The following ZBED1 variants were observed in gnomAD, a reference collection of about 807,000 sequenced individuals.
ZBED1 encodes the protein E3 SUMO-protein ligase ZBED1.
Under a neutral mutation model 49.7 loss-of-function variants are expected in ZBED1, and 19 were observed. That is an observed-to-expected ratio of 0.38 (90% CI 0.27 to 0.56). ZBED1 has a LOEUF of 0.56. Among genes scored for constraint, ZBED1 ranks in the 20% least tolerant of loss-of-function variants. The probability of loss-of-function intolerance (pLI) is 0.70; values close to 1 mark genes in which losing one functional copy is unlikely to be tolerated. For missense variants in ZBED1, 806 were observed against 972.6 expected, an observed-to-expected ratio of 0.83 and a Z score of 2.28; for synonymous variants, 439 against 440.3, an observed-to-expected ratio of 1.00 and a Z score of 0.04.
rs780722987 is a variant in ZBED1 at position 2,498,626 on chromosome X, A to G, written c.-54+2191T>C. Among the ~76,000 whole-genome samples, 107 of 36,292 alleles carry G rather than the reference A, an allele frequency of 2.9e-3. 1 individual carries two copies. Among genetic ancestry groups the G allele is most frequent in the African/African-American group, 6.6e-3 (96 of 14,632 alleles). The allele number at this position is 36,292 out of a possible 152,430, so 23.8% of individuals were successfully genotyped here. A position where few individuals can be genotyped will look rare whatever the true frequency, so the allele number is the denominator to read the frequency against. On this transcript the variant is annotated intron_variant, in intron 1 of 1. Coordinates refer to ENST00000652001, the MANE Select transcript of ZBED1 (RefSeq NM_001171136.2). ...TGTTGTTGTTTAATCAGTAAATGGG[A>G]AAAAAAAAAAAAAAAAAGATTCCAG...
At position 2,490,056 on chromosome X, in the gene ZBED1, C is replaced by A; in HGVS notation, c.664G>T (p.Ala222Ser). ...TLAAHFLGLG[A>S]PNCLSMGSRC... ...GAGCCCATGGACAGGCAGTTGGGGG[C>A]GCCCAGGCCCAGGAAGTGGGCGGCC... The change falls in exon 2 of 2, where the codon GCC (alanine) becomes TCC (serine). Residue 222 changes from alanine to serine, a missense_variant. Physicochemically the swap from Ala to Ser is moderately conservative, Grantham distance 99. Around this residue, in one of 2 missense-constraint regions of ZBED1, gnomAD observed 749 missense variants for 861.3 expected, o/e 0.87. Coordinates refer to ENST00000652001, the MANE Select transcript of ZBED1 (RefSeq NM_001171136.2). The A allele has an allele frequency of 6.2e-7, 1 of 1,613,698 alleles. No homozygotes were observed. The highest frequency in any genetic ancestry group is 1.1e-5 in the South Asian group (1 of 91,064).
chrX:2,493,707 C>T (rs1037041148), intron 1 of ZBED1, among the ~76,000 whole-genome samples: 4 of 152,082 alleles, frequency 2.6e-5, no homozygotes, highest in African/African-American at 7.2e-5. Context: ...CAGCGGCTCA[C>T]GCCTGTACTC....
intron 1 of ZBED1, 68 bp from the exon 2 acceptor site, chrX:2,490,840 G>A (rs2045118071): frequency 7.2e-7 from 1 of 1,390,390 alleles, no homozygotes; most frequent in South Asian, 1.4e-5. Flanking sequence ...CTGCCGGGGA[G>A]ACAGACAGGG....
rs1008396789 is a variant in ZBED1, at chrX:2,500,838, G to C, written c.-75C>G. ...TGACCTGGCTCCAGGAAGCCCCCGC[G>C]GCAGCGCCGCAGCAGCTGCGCCAGG... On this transcript the variant is annotated 5_prime_UTR_variant, in exon 1 of 2. Coordinates refer to ENST00000652001, the MANE Select transcript of ZBED1 (RefSeq NM_001171136.2). 8.9e-6 allele frequency: 10 copies of C among 1,128,580 alleles called. No homozygotes were observed. Among genetic ancestry groups the C allele is most frequent in the South Asian group, 6.9e-5 (2 of 28,790 alleles). 69.9% of individuals were successfully genotyped at this position (1,128,580 alleles called of 1,614,324 possible).
At chrX:2,496,900 T>C (rs2045299851) in intron 1 of ZBED1, among the ~76,000 whole-genome samples, 1 of 149,210 alleles carries the variant, frequency 6.7e-6, no homozygotes. Flanking sequence ...TTAATAAAAA[T>C]AAAATATAAA....
At position 2,490,293 on chromosome X, in the gene ZBED1, T is replaced by G. The variant is rs770567994; in HGVS notation, c.427A>C (p.Ile143Leu). The G allele has an allele frequency of 6.2e-7, 1 of 1,613,604 alleles. No individual in the cohort carries two copies. The highest frequency in any genetic ancestry group is 1.1e-5 in the South Asian group (1 of 91,050). Residue 143 changes from isoleucine to leucine, a missense_variant, in exon 2 of 2, where the codon ATC (isoleucine) becomes CTC (leucine). Around this residue, in one of 2 missense-constraint regions of ZBED1, gnomAD observed 749 missense variants for 861.3 expected, o/e 0.87. Coordinates refer to ENST00000652001, the MANE Select transcript of ZBED1 (RefSeq NM_001171136.2). ...ACCTTGAAGGTGGGCTCGTCCACGATGGAGGCTGGGTACAGCCCCTCGCAG... is the reference window on the plus strand; with the variant it reads ...ACCTTGAAGGTGGGCTCGTCCACGAGGGAGGCTGGGTACAGCCCCTCGCAG... Reference protein sequence around the residue: ...LICEGLYPASIVDEPTFKVLL... With the variant: ...LICEGLYPASLVDEPTFKVLL...
In ZBED1 at chrX:2,490,617, C is replaced by T. The variant is rs1170638506; in HGVS notation, c.103G>A (p.Ala35Thr). ...TTCCACTGCAGGATGCATCCCTCGG[C>T]GTTGGTGTCGAAGCCGAAATACTTC... ...VWKYFGFDTNAEGCILQWKKI... is the reference protein window; with the variant it reads ...VWKYFGFDTNTEGCILQWKKI... The change falls in exon 2 of 2, where the codon GCC (alanine) becomes ACC (threonine). Residue 35 changes from alanine to threonine, a missense_variant. Physicochemically the swap from Ala to Thr is moderately conservative, Grantham distance 58. Coordinates refer to ENST00000652001, the MANE Select transcript of ZBED1 (RefSeq NM_001171136.2). 6.2e-7 allele frequency: 1 copy of T among 1,613,946 alleles called. No homozygotes were observed. Among genetic ancestry groups the T allele is most frequent in the Non-Finnish European group, 8.5e-7 (1 of 1,179,872 alleles).
At position 2,489,364 on chromosome X, in the gene ZBED1, G is replaced by A. The variant is rs993936651; in HGVS notation, c.1356C>T (p.Ala452=). The A allele has an allele frequency of 2.5e-6, 4 of 1,613,854 alleles. No individual in the cohort carries two copies. Among genetic ancestry groups the A allele is most frequent in the African/African-American group, 1.3e-5 (1 of 74,930 alleles). The change falls in exon 2 of 2, where the codon GCC becomes GCT. Residue 452 remains alanine, a synonymous_variant. Transcript: ENST00000652001. ...KELSMAKEVI[A]KELSKTYQET... The stretch of plus-strand genomic sequence containing the variant: ...CCTGGTAGGTCTTGGAAAGCTCCTT[G>A]GCGATGACCTCCTTGGCCATGCTGA...
intron 1 of ZBED1, 42 bp from the exon 2 acceptor site, chrX:2,490,814 G>C: frequency 6.6e-7 from 1 of 1,508,660 alleles, no homozygotes; most frequent in East Asian, 2.3e-5. Flanking sequence ...AAGGGACCCA[G>C]GCACGCACGG....
intron 1 of ZBED1, among the ~76,000 whole-genome samples, chrX:2,492,747 G>A (rs2045186278): frequency 6.6e-6 from 1 of 152,208 alleles, no homozygotes; most frequent in Admixed American, 6.5e-5. Context: ...GCTGGGAGAG[G>A]CAGGAAGCAC....
chrX:2,500,975 G>A lies in ZBED1; in HGVS notation c.-212C>T, dbSNP rs916368119. On this transcript the variant is annotated 5_prime_UTR_variant, in exon 1 of 2. Coordinates refer to ENST00000652001, the MANE Select transcript of ZBED1 (RefSeq NM_001171136.2). ...GCTTCCGCGCCGCCCGCGGGACTCT[G>A]CGCCCGCCCGCCCGGACGGACGGCG... The A allele has an allele frequency of 6.5e-4, 615 of 949,518 alleles. 2 individuals are homozygous for A. In the African/African-American group the frequency reaches 9.5e-3, roughly 15 times the overall value. The allele number at this position is 949,518 out of a possible 1,614,324, so 58.8% of individuals were successfully genotyped here.
intron 1 of ZBED1, among the ~76,000 whole-genome samples, chrX:2,499,304 C>T (rs1445296337): frequency 6.6e-6 from 1 of 152,188 alleles, no homozygotes; most frequent in Admixed American, 6.5e-5. Flanking sequence ...TTAGGCTGGA[C>T]ATTTAAGACA....
chrX:2,488,880 T>G lies in ZBED1; in HGVS notation c.1840A>C (p.Thr614Pro). The change falls in exon 2 of 2, where the codon ACG (threonine) becomes CCG (proline). Residue 614 changes from threonine to proline, a missense_variant. Coordinates refer to ENST00000652001, the MANE Select transcript of ZBED1 (RefSeq NM_001171136.2). ...AAGAGACGCTCAGGGGCGACGCGCGTGGCCGTCACGCACCAGTACTTCTGC... is the reference window on the plus strand; with the variant it reads ...AAGAGACGCTCAGGGGCGACGCGCGGGGCCGTCACGCACCAGTACTTCTGC... ...VLQKYWCVTA[T>P]RVAPERLFGS... 2 of 1,612,074 alleles carry G rather than the reference T, an allele frequency of 1.2e-6. No individual in the cohort carries two copies. The highest frequency in any genetic ancestry group is 1.7e-6 in the Non-Finnish European group (2 of 1,178,746).
intron 1 of ZBED1, among the ~76,000 whole-genome samples, chrX:2,497,076 A>T (rs775985933): frequency 1.3e-5 from 2 of 151,850 alleles, no homozygotes; most frequent in South Asian, 4.2e-4. Context: ...TGGGGTCCTC[A>T]TTTTTTTTGA....
intron 1 of ZBED1, among the ~76,000 whole-genome samples, chrX:2,491,499 C>T (rs1212822787): frequency 6.6e-6 from 1 of 152,134 alleles, no homozygotes; most frequent in East Asian, 1.9e-4. Flanking sequence ...CACAAGTGGC[C>T]AGGCAGACCC....
Position 2,488,474 on chromosome X carries a change from CCT to C in ZBED1, c.*159_*160del. On this transcript the variant is annotated 3_prime_UTR_variant, in exon 2 of 2. Coordinates refer to ENST00000652001, the MANE Select transcript of ZBED1 (RefSeq NM_001171136.2). ...ATAGACAGGAGCCACCGCCCCCGAC[CCT>C]CTCTCACTTCTCAAATCTCTTTCCT... is the stretch of plus-strand genomic sequence containing the variant. 1.0e-6 allele frequency: 1 copy of C among 995,892 alleles called. No individual in the cohort carries two copies. The highest frequency in any genetic ancestry group is 1.4e-6 in the Non-Finnish European group (1 of 700,804). 61.7% of individuals were successfully genotyped at this position (995,892 alleles called of 1,614,324 possible).
chrX:2,497,229 A>G (rs2045307845), intron 1 of ZBED1, among the ~76,000 whole-genome samples: 1 of 152,108 alleles, frequency 6.6e-6, no homozygotes, highest in Admixed American at 6.5e-5. Flanking sequence ...ACCCCATCTC[A>G]CTAAAAATAC....
rs766602788 is a variant in ZBED1, at chrX:2,490,379, G to A, written c.341C>T (p.Ala114Val). ...CTTCTTGCTGTCGTAGCCGTGGCCG[G>A]CCTTGACGGCCAGCGCGTCCTGCCC... ...QPGQDALAVK[A>V]GHGYDSKKQQ... Residue 114 changes from alanine (A) to valine (V), a missense_variant, in exon 2 of 2, where the codon GCC becomes GTC. Transcript: ENST00000652001. 5.6e-6 allele frequency: 9 copies of A among 1,613,684 alleles called. No homozygotes were observed. The Admixed American group carries it at 1.5e-4, about 27-fold the overall frequency.
chrX:2,500,663 C>CACCCCCGG (rs2045402581), intron 1 of ZBED1, 154 bp downstream of exon 1: 1 of 125,624 alleles, frequency 8.0e-6, no homozygotes, highest in African/African-American at 2.7e-5. Flanking sequence ...CGCCCCCCCC[C>CACCCCCGG]CACCCCCGGC....
Sources: gnomAD v4.1 joint callset for allele counts (sites outside exome capture counted in the v4.1 genomes callset) on GRCh38, gnomAD v4.1.1 for gene constraint, gnomAD v4.1.1 regional missense constraint, MANE v1.5 for transcripts, NCBI Gene and HGNC (gene_info 2026-07-23, HGNC 2026-07-21) for gene names.